KCNK13: variants seen among roughly 807,000 people sequenced by gnomAD.
KCNK13 encodes the protein potassium two pore domain channel subfamily K member 13.
A neutral mutation model predicts 23.4 loss-of-function variants in KCNK13; 12 were observed. The observed-to-expected ratio is 0.51, with a 90% confidence interval of 0.33 to 0.83. KCNK13 has a LOEUF of 0.83. Ranked by LOEUF, KCNK13 falls within the 40% of genes least tolerant of loss-of-function variation. The pLI, the probability that KCNK13 is intolerant of heterozygous loss-of-function variation, is 0.02. For synonymous variants in KCNK13, 231 were observed against 229.5 expected (o/e 1.01, Z -0.06); for missense variants, 463 against 556.3 (o/e 0.83, Z 1.69).
chr14:90,147,995 A>G (rs1890092968), intron 1 of KCNK13, among the ~76,000 whole-genome samples: 1 of 152,098 alleles, frequency 6.6e-6, no homozygotes, highest in African/African-American at 2.4e-5. Flanking sequence ...AACCCTGTCT[A>G]CTAAAAATAC....
Position 90,062,238 on chromosome 14 carries a change from C to T in KCNK13, c.33C>T (p.Gly11=), listed in dbSNP as rs572215037. ...GCCGGGGTTTCAGCTGGGGCCCGGGCCACCTGAACGAGGACAACGCGCGCT... is the reference window on the plus strand; with the variant it reads ...GCCGGGGTTTCAGCTGGGGCCCGGGTCACCTGAACGAGGACAACGCGCGCT... The part of the protein sequence containing the change: MAGRGFSWGP[G]HLNEDNARFL... Residue 11 remains glycine (G), a synonymous_variant, in exon 1 of 2, where the codon GGC becomes GGT. Transcript: ENST00000282146. The surrounding 1 kb of genome is among the most constrained non-coding windows in gnomAD (Gnocchi z 4.5). 6.2e-6 allele frequency: 9 copies of T among 1,443,056 alleles called. No individual in the cohort carries two copies. In the East Asian group the frequency reaches 2.1e-4, roughly 33 times the overall value. 89.4% of individuals were successfully genotyped at this position (1,443,056 alleles called of 1,614,324 possible).
chr14:90,087,138 A>ATG (rs1451038351), intron 1 of KCNK13, among the ~76,000 whole-genome samples: 28 of 111,528 alleles, frequency 2.5e-4, no homozygotes, highest in East Asian at 6.4e-4. Context: ...ACATATATAT[A>ATG]TATATATATA....
At position 90,125,221 on chromosome 14, in the gene KCNK13, ATT is replaced by A. The variant is rs57748519; in HGVS notation, c.335-58877_335-58876del. Among the ~76,000 whole-genome samples the A allele has an allele frequency of 1.0e-3, 147 of 144,446 alleles. 2 individuals are homozygous for A. The highest frequency in any genetic ancestry group is 3.5e-3 in the African/African-American group (140 of 39,634). 94.8% of individuals were successfully genotyped at this position (144,446 alleles called of 152,430 possible). Reference sequence around the variant, plus strand: ...CATCCCCAACCCCCAGATCTACTTAATTTTTTTTTTTTTTCTTTTTGAGATGG... The same window carrying A: ...CATCCCCAACCCCCAGATCTACTTAATTTTTTTTTTTTCTTTTTGAGATGG... On this transcript the variant is annotated intron_variant, in intron 1 of 1. Coordinates refer to ENST00000282146, the MANE Select transcript of KCNK13 (RefSeq NM_022054.4).
chr14:90,180,819 C>T (rs1296889483), intron 1 of KCNK13, among the ~76,000 whole-genome samples: 1 of 152,130 alleles, frequency 6.6e-6, no homozygotes, highest in Non-Finnish European at 1.5e-5. Context: ...CAGATAACTC[C>T]ATGGTGCTTC....
chr14:90,154,298 C>G (rs1490344126), intron 1 of KCNK13, among the ~76,000 whole-genome samples: 1 of 146,354 alleles, frequency 6.8e-6, no homozygotes, highest in Non-Finnish European at 1.5e-5. Flanking sequence ...GCTGTGCTCT[C>G]CTACCCACAA....
At position 90,184,821 on chromosome 14, in the gene KCNK13, A is replaced by G. The variant is rs1394684936; in HGVS notation, c.1045A>G (p.Met349Val). 1.9e-6 allele frequency: 3 copies of G among 1,613,686 alleles called. No individual in the cohort carries two copies. Among genetic ancestry groups the G allele is most frequent in the Non-Finnish European group, 2.5e-6 (3 of 1,179,838 alleles). Residue 349 changes from methionine to valine, a missense_variant, in exon 2 of 2, where the codon ATG becomes GTG. Around this residue, in one of 3 missense-constraint regions of KCNK13, gnomAD observed 166 missense variants for 178.8 expected, o/e 0.93. Transcript: ENST00000282146. This position sits in a 1 kb window ranked among gnomAD's most constrained non-coding sequence, Gnocchi z 5.6. ...CCGGCTCTCAGGGGAGATGATCTCC[A>G]TGAAGGACTTGCTGGCAGCCAACAA... is the stretch of plus-strand genomic sequence containing the variant. Reference protein sequence around the residue: ...GRRLSGEMISMKDLLAANKAS... With the variant: ...GRRLSGEMISVKDLLAANKAS...
chr14:90,107,351 G>C (rs776995608), intron 1 of KCNK13, among the ~76,000 whole-genome samples: 1 of 151,886 alleles, frequency 6.6e-6, no homozygotes, highest in Non-Finnish European at 1.5e-5. Flanking sequence ...GGTGGCGGGC[G>C]CCTGTAGTCC....
chr14:90,181,203 G>T lies in KCNK13; in HGVS notation c.335-2908G>T, dbSNP rs555481456. Among the ~76,000 whole-genome samples the T allele has an allele frequency of 3.3e-5, 5 of 152,322 alleles. No homozygotes were observed. In the South Asian group the frequency reaches 1.0e-3, roughly 32 times the overall value. ...GTTAGTCTCAGCCTTGGATGCTGGG[G>T]TCAAGGACTATGTCTGTGTCATCTT... is the stretch of plus-strand genomic sequence containing the variant. On this transcript the variant is annotated intron_variant, in intron 1 of 1. Transcript: ENST00000282146.
At position 90,100,744 on chromosome 14, in the gene KCNK13, T is replaced by G. The variant is rs562700585; in HGVS notation, c.334+38205T>G. ...CCTTGCTTTGTCGCGCAGGCTGGAG[T>G]GCAGCGGTATGATCACATCTTACTG... On this transcript the variant is annotated intron_variant, in intron 1 of 1. Coordinates refer to ENST00000282146, the MANE Select transcript of KCNK13 (RefSeq NM_022054.4). 5.3e-5 allele frequency among the ~76,000 whole-genome samples: 8 copies of G among 152,178 alleles called. No homozygotes were observed. In the South Asian group the frequency reaches 1.5e-3, roughly 28 times the overall value.
At chr14:90,139,948 C>T (rs546430915) in intron 1 of KCNK13, among the ~76,000 whole-genome samples, 17 of 152,032 alleles carry the variant, frequency 1.1e-4, no homozygotes, top group South Asian at 2.1e-4. Flanking sequence ...GGTGACAGAG[C>T]GAGAGTACGT....
intron 1 of KCNK13, among the ~76,000 whole-genome samples, chr14:90,161,331 G>A (rs891522018): frequency 1.3e-5 from 2 of 152,196 alleles, no homozygotes; most frequent in Non-Finnish European, 2.9e-5. Flanking sequence ...TATAAGCACA[G>A]AGACTCTGGG....
chr14:90,105,163 TC>T (rs1349351581), intron 1 of KCNK13, among the ~76,000 whole-genome samples: 3 of 152,088 alleles, frequency 2.0e-5, no homozygotes, highest in African/African-American at 7.2e-5. Flanking sequence ...GGTCCATCCA[TC>T]CATCCAAGGC....
intron 1 of KCNK13, among the ~76,000 whole-genome samples, chr14:90,112,460 C>G (rs1279037009): frequency 6.6e-6 from 1 of 152,022 alleles, no homozygotes; most frequent in Non-Finnish European, 1.5e-5. Flanking sequence ...CGTGGCTCAA[C>G]TAAAAACAAT....
chr14:90,128,962 C>G (rs893389521), intron 1 of KCNK13, among the ~76,000 whole-genome samples: 4 of 152,152 alleles, frequency 2.6e-5, no homozygotes, highest in African/African-American at 7.2e-5. Flanking sequence ...CTCCCCGCCC[C>G]CTAAGAGGGA....
intron 1 of KCNK13, among the ~76,000 whole-genome samples, chr14:90,080,341 A>G (rs1889192658): frequency 6.6e-6 from 1 of 152,148 alleles, no homozygotes; most frequent in Non-Finnish European, 1.5e-5. Flanking sequence ...CTGTAATCCC[A>G]GCTACTTGGG....
chr14:90,073,315 C>A (rs1286920), intron 1 of KCNK13, among the ~76,000 whole-genome samples: 5 of 151,914 alleles, frequency 3.3e-5, no homozygotes, highest in African/African-American at 1.2e-4. Context: ...GGAGTCCATG[C>A]AAACAGAGAC....
At chr14:90,134,925 C>T (rs532438492) in intron 1 of KCNK13, among the ~76,000 whole-genome samples, 3 of 152,338 alleles carry the variant, frequency 2.0e-5, no homozygotes, top group African/African-American at 7.2e-5. Flanking sequence ...GATGATAAGC[C>T]TCCCCTGAAT....
rs865945584 is a variant in KCNK13 at position 90,062,524 on chromosome 14, G to A, written c.319G>A (p.Val107Ile). The A allele has an allele frequency of 6.6e-7, 1 of 1,513,622 alleles. No homozygotes were observed. 93.8% of individuals were successfully genotyped at this position (1,513,622 alleles called of 1,614,324 possible). The change falls in exon 1 of 2, where the codon GTC becomes ATC. Residue 107 changes from valine to isoleucine, a missense_variant. This residue lies in a region of KCNK13 where 144 missense variants were observed against 224.0 expected (regional missense o/e 0.64). Transcript: ENST00000282146. The surrounding 1 kb of genome is among the most constrained non-coding windows in gnomAD (Gnocchi z 4.5). The stretch of plus-strand genomic sequence containing the variant: ...CGGCGCCTTCTACTTCGTGGGCACC[G>A]TCGTTTCCACCATAGGTAAGTGTGC... ...FTGAFYFVGT[V>I]VSTIGFGMTT...
intron 1 of KCNK13, among the ~76,000 whole-genome samples, chr14:90,179,405 C>T (rs1165934312): frequency 6.6e-6 from 1 of 151,958 alleles, no homozygotes; most frequent in Non-Finnish European, 1.5e-5. Flanking sequence ...AGACTATGGG[C>T]CTGCTCTTCA....
Sources: allele counts gnomAD v4.1 joint callset (sites outside exome capture counted in the v4.1 genomes callset), GRCh38; gene constraint gnomAD v4.1.1; regional missense constraint gnomAD v4.1.1; non-coding constraint Gnocchi (gnomAD v3.1); transcripts MANE v1.5; gene names NCBI Gene and HGNC (gene_info 2026-07-23, HGNC 2026-07-21).